Variants in SLAIN1 observed in about 807,000 individuals in gnomAD.
SLAIN1 encodes SLAIN motif-containing protein 1.
A neutral mutation model predicts 55.4 loss-of-function variants in SLAIN1; 17 were observed. That is an observed-to-expected ratio of 0.31 (90% CI 0.21 to 0.46). The LOEUF is 0.46. SLAIN1 is among the 20% of genes least tolerant of loss of function. The probability of loss-of-function intolerance (pLI) is 1.00; values close to 1 mark genes in which losing one functional copy is unlikely to be tolerated. For synonymous variants in SLAIN1, 348 were observed against 337.4 expected (o/e 1.03, Z -0.35); for missense variants, 682 against 785.1 (o/e 0.87, Z 1.57).
rs138512742 is a variant in SLAIN1, at chr13:77,742,087, T to TTG, written c.767-2177_767-2176dup. On this transcript the variant is annotated intron_variant, in intron 2 of 6. Coordinates refer to ENST00000418532, the MANE Select transcript of SLAIN1 (RefSeq NM_001242868.2). ...GACTTAAGCTTTTATGATTTGGGAT[T>TTG]TGTGTGTGTGTGTGTGTGTGACCCC... is the stretch of plus-strand genomic sequence containing the variant. Among the ~76,000 whole-genome samples the TTG allele has an allele frequency of 8.0e-3, 1,194 of 149,106 alleles. 6 individuals are homozygous for TTG. The highest frequency in any genetic ancestry group is 0.013 in the Non-Finnish European group (842 of 66,962).
intron 4 of SLAIN1, among the ~76,000 whole-genome samples, chr13:77,749,250 C>T (rs1404628776): frequency 1.3e-5 from 2 of 152,078 alleles, no homozygotes; most frequent in Non-Finnish European, 2.9e-5. Flanking sequence ...CCTACACTGC[C>T]TAGATTTAAA....
intron 1 of SLAIN1, among the ~76,000 whole-genome samples, chr13:77,707,930 C>T (rs1448640365): frequency 1.3e-5 from 2 of 152,088 alleles, no homozygotes; most frequent in African/African-American, 4.8e-5. Context: ...GTAGGACTGG[C>T]TGTATTGGAG....
chr13:77,760,093 G>T (rs1874899046), intron 5 of SLAIN1, among the ~76,000 whole-genome samples: 1 of 152,124 alleles, frequency 6.6e-6, no homozygotes, highest in Non-Finnish European at 1.5e-5. Flanking sequence ...CAAAGGCTTG[G>T]GTAGTTAGTA....
intron 2 of SLAIN1, among the ~76,000 whole-genome samples, chr13:77,737,554 C>A (rs1229259073): frequency 3.3e-5 from 5 of 151,976 alleles, no homozygotes; most frequent in Non-Finnish European, 7.4e-5. Context: ...TCTCTTATAC[C>A]CTATGCTTTA....
intron 1 of SLAIN1, among the ~76,000 whole-genome samples, chr13:77,701,611 T>G (rs915190663): frequency 1.3e-5 from 2 of 152,128 alleles, no homozygotes; most frequent in Non-Finnish European, 2.9e-5. Context: ...CTTTGAATAT[T>G]TATCTTAATT....
chr13:77,763,034 C>T (rs1257363917), intron 6 of SLAIN1, 111 bp from the exon 7 acceptor site: 1 of 839,872 alleles, frequency 1.2e-6, no homozygotes, highest in East Asian at 2.5e-5. Context: ...GTGCCAGTGG[C>T]TTCTCATTAC....
intron 2 of SLAIN1, among the ~76,000 whole-genome samples, chr13:77,739,670 A>G (rs934159592): frequency 6.6e-6 from 1 of 152,102 alleles, no homozygotes; most frequent in Non-Finnish European, 1.5e-5. Flanking sequence ...AATGGTAGGA[A>G]TGTCATTGTT....
intron 1 of SLAIN1, among the ~76,000 whole-genome samples, chr13:77,701,896 T>G (rs1191336499): frequency 6.8e-6 from 1 of 147,468 alleles, no homozygotes; most frequent in Admixed American, 6.8e-5. Flanking sequence ...TAGGTATATC[T>G]CCCAATGCTA....
At chr13:77,748,946 G>T (rs1004075605) in intron 4 of SLAIN1, among the ~76,000 whole-genome samples, 19 of 152,086 alleles carry the variant, frequency 1.2e-4, no homozygotes, top group Non-Finnish European at 2.5e-4. Flanking sequence ...ATGAAATAAT[G>T]AATGTTACAT....
At position 77,697,754 on chromosome 13, in the gene SLAIN1, G is replaced by A. The variant is rs2154409010; in HGVS notation, c.-160G>A. ...TGGTGGCTGCCGCGGCCGGAGGCGA[G>A]GGCCCGGTGCTGATGCGAACCGCCG... On this transcript the variant is annotated 5_prime_UTR_variant, in exon 1 of 7. Coordinates refer to ENST00000418532, the MANE Select transcript of SLAIN1 (RefSeq NM_001242868.2). 1.7e-6 allele frequency: 1 copy of A among 599,166 alleles called. No individual in the cohort carries two copies. The highest frequency in any genetic ancestry group is 2.3e-6 in the Non-Finnish European group (1 of 437,840). The allele number at this position is 599,166 out of a possible 1,614,324, so 37.1% of individuals were successfully genotyped here. A position where few individuals can be genotyped will look rare whatever the true frequency, so the allele number is the denominator to read the frequency against.
At chr13:77,705,143 G>T (rs1207689458) in intron 1 of SLAIN1, among the ~76,000 whole-genome samples, 1 of 151,672 alleles carries the variant, frequency 6.6e-6, no homozygotes, top group African/African-American at 2.4e-5. Flanking sequence ...GCAAAAAGAT[G>T]ACTTTAGAAC....
intron 1 of SLAIN1, among the ~76,000 whole-genome samples, chr13:77,715,485 G>A (rs1297073125): frequency 6.6e-6 from 1 of 152,196 alleles, no homozygotes; most frequent in African/African-American, 2.4e-5. Flanking sequence ...GAGAGTAAGT[G>A]TAGGTTAACT....
chr13:77,698,964 T>C lies in SLAIN1; in HGVS notation c.626+425T>C. The C allele has an allele frequency of 6.5e-7, 1 of 1,534,404 alleles. No homozygotes were observed. Among genetic ancestry groups the C allele is most frequent in the South Asian group, 1.2e-5 (1 of 83,968 alleles). On this transcript the variant is annotated intron_variant, in intron 1 of 6. Transcript: ENST00000418532. This position sits in a 1 kb window ranked among gnomAD's most constrained non-coding sequence, Gnocchi z 4.1. ...CTCTGTCTGCGACTGTTACTGTTCT[T>C]TCGTTTTAAACGAACGCTGGACAGG...
intron 1 of SLAIN1, among the ~76,000 whole-genome samples, chr13:77,710,798 C>T (rs1057501290): frequency 6.6e-6 from 1 of 152,184 alleles, no homozygotes; most frequent in Non-Finnish European, 1.5e-5. Flanking sequence ...CTTTTCAGCA[C>T]CATGTCACAC....
intron 2 of SLAIN1, chr13:77,743,520 CT>C (rs1873599493): frequency 1.3e-5 from 2 of 154,562 alleles, no homozygotes; most frequent in South Asian, 3.9e-4. Flanking sequence ...TTTCTGGTAG[CT>C]TTTAAATTTA....
intron 2 of SLAIN1, among the ~76,000 whole-genome samples, chr13:77,726,329 A>T (rs946300535): frequency 7.9e-5 from 12 of 152,238 alleles, no homozygotes; most frequent in African/African-American, 2.9e-4. Flanking sequence ...AGATATAATA[A>T]GATAGTTATT....
chr13:77,759,865 A>G (rs1874880936), intron 5 of SLAIN1, among the ~76,000 whole-genome samples: 1 of 152,170 alleles, frequency 6.6e-6, no homozygotes, highest in South Asian at 2.1e-4. Flanking sequence ...GCCTTGTATA[A>G]TTAAACACAT....
intron 2 of SLAIN1, among the ~76,000 whole-genome samples, chr13:77,722,023 C>T (rs548920829): frequency 1.1e-4 from 16 of 148,296 alleles, no homozygotes; most frequent in Non-Finnish European, 1.8e-4. Context: ...AAAAAGTAAT[C>T]CTAATTGGTG....
chr13:77,750,197 A>C (rs537362458), intron 4 of SLAIN1, among the ~76,000 whole-genome samples: 13 of 152,310 alleles, frequency 8.5e-5, no homozygotes, highest in Admixed American at 7.9e-4. Flanking sequence ...AGATGAATTA[A>C]ATATGGCAAA....
Sources: allele counts gnomAD v4.1 joint callset (sites outside exome capture counted in the v4.1 genomes callset), GRCh38; gene constraint gnomAD v4.1.1; non-coding constraint Gnocchi (gnomAD v3.1); transcripts MANE v1.5; gene names NCBI Gene and HGNC (gene_info 2026-07-23, HGNC 2026-07-21).